UBR2: variants seen among roughly 807,000 people sequenced by gnomAD.
UBR2 encodes ubiquitin protein ligase E3 component n-recognin 2, also known as E3 ubiquitin-protein ligase UBR2.
A neutral mutation model predicts 247.9 loss-of-function variants in UBR2; 92 were observed. That is an observed-to-expected ratio of 0.37 (90% confidence interval 0.31 to 0.44). The LOEUF (loss-of-function observed/expected upper bound fraction) is 0.44, where lower values mean the gene tolerates loss of function less well. Ranked by LOEUF, UBR2 falls within the 20% of genes least tolerant of loss-of-function variation. The pLI, the probability that UBR2 is intolerant of heterozygous loss-of-function variation, is 1.00. For synonymous variants in UBR2, 672 were observed against 693.5 expected, an observed-to-expected ratio of 0.97 and a Z score of 0.49; for missense variants, 1,613 against 2,112.6, an observed-to-expected ratio of 0.76 and a Z score of 4.64.
At position 42,652,619 on chromosome 6, in the gene UBR2, G is replaced by T; in HGVS notation, c.2743G>T (p.Ala915Ser). 1 of 1,612,576 alleles carries T rather than the reference G, an allele frequency of 6.2e-7. No homozygotes were observed. The highest frequency in any genetic ancestry group is 8.5e-7 in the Non-Finnish European group (1 of 1,179,704). The change falls in exon 25 of 47, where the codon GCC (alanine) becomes TCC (serine). Residue 915 changes from alanine (A) to serine (S), a missense_variant. Physicochemically the swap from Ala to Ser is moderately conservative, Grantham distance 99. This residue lies in a region of UBR2 where 1,524 missense variants were observed against 1,967.3 expected (regional missense o/e 0.77). Transcript: ENST00000372901. ...ATGGGCTGTGGAACATAATGGATAT[G>T]CCTGGTCAGAGTCCATGCTGCAAAG... Reference protein sequence around the residue: ...LQWAVEHNGYAWSESMLQRVL... With the variant: ...LQWAVEHNGYSWSESMLQRVL...
chr6:42,629,585 A>C (rs1453522235), intron 11 of UBR2, among the ~76,000 whole-genome samples: 1 of 152,042 alleles, frequency 6.6e-6, no homozygotes, highest in African/African-American at 2.4e-5. Context: ...TGAACCCTGG[A>C]GGAGGAGATT....
chr6:42,629,361 AAATT>A (rs1357510207), intron 11 of UBR2, among the ~76,000 whole-genome samples: 2 of 151,630 alleles, frequency 1.3e-5, no homozygotes, highest in Non-Finnish European at 2.9e-5. Flanking sequence ...GTAGGCATAA[AAATT>A]AAGAAAGGCC....
intron 2 of UBR2, among the ~76,000 whole-genome samples, chr6:42,575,451 C>A (rs964590088): frequency 6.6e-6 from 1 of 152,164 alleles, no homozygotes; most frequent in African/African-American, 2.4e-5. Flanking sequence ...GAAATTGAGA[C>A]CCCATTGTTC....
At chr6:42,617,581 T>C in intron 11 of UBR2, 74 bp downstream of exon 11, 1 of 1,302,988 alleles carries the variant, frequency 7.7e-7, no homozygotes, top group South Asian at 1.3e-5. Context: ...AGAACTAAAG[T>C]CTGTATATTC....
At chr6:42,645,091 G>A (rs1258042428) in intron 20 of UBR2, among the ~76,000 whole-genome samples, 2 of 152,006 alleles carry the variant, frequency 1.3e-5, no homozygotes, top group African/African-American at 2.4e-5. Context: ...GAAAGTCTCC[G>A]AAGTTGATAT....
chr6:42,675,948 C>T (rs1181081668), intron 38 of UBR2, 108 bp from the exon 39 acceptor site: 1 of 1,455,506 alleles, frequency 6.9e-7, no homozygotes. Flanking sequence ...CAGAGTAAGA[C>T]TCTGTCTCAA....
chr6:42,632,069 A>AAAAATATATATATATAT (rs56721828), intron 11 of UBR2, among the ~76,000 whole-genome samples: 4 of 114,086 alleles, frequency 3.5e-5, no homozygotes, highest in African/African-American at 1.4e-4. Context: ...AAAAAAAAAA[A>AAAAATATATATATATAT]ATATATATAT....
At chr6:42,614,777 G>GT (rs142090634) in intron 8 of UBR2, among the ~76,000 whole-genome samples, 11,298 of 151,272 alleles carry the variant, frequency 0.075, 525 homozygotes, top group South Asian at 0.12. Flanking sequence ...ATATTAAGTG[G>GT]TTTTTTGGAT....
intron 2 of UBR2, among the ~76,000 whole-genome samples, chr6:42,579,150 G>A (rs574746632): frequency 6.6e-6 from 1 of 152,296 alleles, no homozygotes; most frequent in South Asian, 2.1e-4. Flanking sequence ...TACAAGCATG[G>A]CATAAACATT....
Position 42,619,428 on chromosome 6 carries a change from TATATATATATATATATATATATA to T in UBR2, c.1281+1922_1281+1944del, listed in dbSNP as rs1160526024. ...CGTTATGAACATATATATATATATA[TATATATATATATATATATATATA>T]TATTTTTTTTTTTTAGTTCTCTATC... On this transcript the variant is annotated intron_variant, in intron 11 of 46. Transcript: ENST00000372901. 1.9e-3 allele frequency: 31 copies of T among 16,282 alleles called. 3 individuals carry two copies. In the South Asian group the frequency reaches 0.028, roughly 15 times the overall value. 1.0% of individuals were successfully genotyped at this position (16,282 alleles called of 1,614,324 possible). A position where few individuals can be genotyped will look rare whatever the true frequency, so the allele number is the denominator to read the frequency against.
In UBR2 at chr6:42,616,006, T is replaced by A; in HGVS notation, c.1098T>A (p.Ala366=). The change falls in exon 10 of 47, where the codon GCT becomes GCA. Residue 366 remains alanine, a synonymous_variant. Coordinates refer to ENST00000372901, the MANE Select transcript of UBR2 (RefSeq NM_001363705.2). ...MLSDSKLWKG[A]RSVYHQLFMS... ...ACCGTGATCTTTTTCTACAAGGTGC[T>A]AGGAGTGTATATCATCAGTTGTTCA... The A allele has an allele frequency of 6.2e-7, 1 of 1,600,060 alleles. No homozygotes were observed. Among genetic ancestry groups the A allele is most frequent in the African/African-American group, 1.3e-5 (1 of 74,192 alleles).
intron 15 of UBR2, among the ~76,000 whole-genome samples, chr6:42,639,419 C>T (rs1796290145): frequency 6.6e-6 from 1 of 152,160 alleles, no homozygotes; most frequent in African/African-American, 2.4e-5. Flanking sequence ...ATGGCAAAAC[C>T]CCGTCTCTAC....
In UBR2 at chr6:42,663,247, T is replaced by C. The variant is rs1314025394; in HGVS notation, c.3537-11T>C. 6.3e-7 allele frequency: 1 copy of C among 1,588,622 alleles called. No individual in the cohort carries two copies. The highest frequency in any genetic ancestry group is 1.8e-5 in the Admixed American group (1 of 56,056). The stretch of plus-strand genomic sequence containing the variant: ...CATTGTTTTGATACCTCATGTTCTC[T>C]AATTGTAAAGGTATTTTGATTCCGT... On this transcript the variant is annotated splice_polypyrimidine_tract_variant and intron_variant, in intron 31 of 46. Transcript: ENST00000372901.
chr6:42,607,224 G>A (rs1176183640), intron 7 of UBR2, among the ~76,000 whole-genome samples: 2 of 150,020 alleles, frequency 1.3e-5, no homozygotes, highest in African/African-American at 4.9e-5. Flanking sequence ...CTGGAGTGCA[G>A]TGGTGCAATC....
intron 44 of UBR2, among the ~76,000 whole-genome samples, chr6:42,687,545 T>A (rs1290603202): frequency 6.6e-6 from 1 of 151,712 alleles, no homozygotes; most frequent in Non-Finnish European, 1.5e-5. Context: ...TATTTATTTA[T>A]TTATTTATTT....
intron 21 of UBR2, among the ~76,000 whole-genome samples, chr6:42,646,807 TTATATATATA>T (rs369889480): frequency 2.7e-5 from 4 of 148,528 alleles, no homozygotes; most frequent in African/African-American, 9.9e-5. Flanking sequence ...ATATATATGT[TTATATATATA>T]TATAGAGAGA....
In UBR2 at chr6:42,615,192, C is replaced by T; in HGVS notation, c.1093+14C>T. ...AATTATGGAAAGGTGAATCTCTTAA[C>T]TACTTTTAAGGTGTAGAGGAACCTA... On this transcript the variant is annotated intron_variant, in intron 9 of 46. Transcript: ENST00000372901. 6.2e-7 allele frequency: 1 copy of T among 1,601,518 alleles called. No individual in the cohort carries two copies. Among genetic ancestry groups the T allele is most frequent in the Non-Finnish European group, 8.5e-7 (1 of 1,172,418 alleles).
intron 38 of UBR2, among the ~76,000 whole-genome samples, chr6:42,674,703 A>T (rs1299361892): frequency 1.3e-5 from 2 of 151,868 alleles, no homozygotes; most frequent in Non-Finnish European, 2.9e-5. Context: ...CGGAGGTTGC[A>T]GTGACCAAGA....
intron 41 of UBR2, among the ~76,000 whole-genome samples, 177 bp from the exon 42 acceptor site, chr6:42,679,546 AT>A (rs1447218196): frequency 6.6e-6 from 1 of 152,258 alleles, no homozygotes; most frequent in African/African-American, 2.4e-5. Flanking sequence ...CACTTGACGC[AT>A]TGCGTCATTT....
Sources: gnomAD v4.1 joint callset for allele counts (sites outside exome capture counted in the v4.1 genomes callset) on GRCh38, gnomAD v4.1.1 for gene constraint, gnomAD v4.1.1 regional missense constraint, MANE v1.5 for transcripts, NCBI Gene and HGNC (gene_info 2026-07-23, HGNC 2026-07-21) for gene names.